Variants in MAP3K20 observed in about 807,000 individuals in gnomAD.
The protein encoded by MAP3K20 is HCCS-4.
A neutral mutation model predicts 85.7 loss-of-function variants in MAP3K20; 40 were observed. The ratio of observed to expected loss-of-function variants is 0.47; its 90% confidence interval spans 0.36 to 0.61. The LOEUF (loss-of-function observed/expected upper bound fraction) is 0.61. Ranked by LOEUF, MAP3K20 falls within the 20% of genes least tolerant of loss-of-function variation. MAP3K20 has a pLI of 0.00. For missense variants in MAP3K20, 817 were observed against 961.7 expected, an observed-to-expected ratio of 0.85 and a Z score of 1.99; for synonymous variants, 325 against 327.7, an observed-to-expected ratio of 0.99 and a Z score of 0.09.
chr2:173,193,102 G>A (rs1005275443), intron 7 of MAP3K20: 1 of 152,232 alleles, frequency 6.6e-6, no homozygotes, highest in African/African-American at 2.4e-5. Context: ...GTTTAGGAAC[G>A]TGGCTTGACC....
chr2:173,184,876 C>T (rs1690438273), intron 4 of MAP3K20, among the ~76,000 whole-genome samples: 1 of 148,576 alleles, frequency 6.7e-6, no homozygotes. Context: ...AGCCACTGCA[C>T]TCCAGCCAGA....
chr2:173,108,016 C>T (rs568963903), intron 2 of MAP3K20, among the ~76,000 whole-genome samples: 1 of 152,110 alleles, frequency 6.6e-6, no homozygotes, highest in Non-Finnish European at 1.5e-5. Context: ...GTTTCCCAAA[C>T]TTAAAAAATC....
intron 1 of MAP3K20, among the ~76,000 whole-genome samples, chr2:173,085,922 G>C (rs1687134198): frequency 6.9e-6 from 1 of 145,000 alleles, no homozygotes; most frequent in African/African-American, 2.6e-5. Flanking sequence ...CAACCTCCCA[G>C]GTAGCTGTGA....
intron 3 of MAP3K20, among the ~76,000 whole-genome samples, chr2:173,177,073 G>C (rs1690182250): frequency 6.6e-6 from 1 of 152,142 alleles, no homozygotes; most frequent in Non-Finnish European, 1.5e-5. Context: ...ATTAAAAGGA[G>C]AAATAGGCAA....
intron 2 of MAP3K20, among the ~76,000 whole-genome samples, chr2:173,156,986 A>C (rs908780373): frequency 1.3e-5 from 2 of 152,200 alleles, no homozygotes; most frequent in Non-Finnish European, 2.9e-5. Flanking sequence ...TACACTATAA[A>C]ATACAGTCAA....
chr2:173,221,548 A>G (rs577649022), intron 11 of MAP3K20: 1 of 1,493,808 alleles, frequency 6.7e-7, no homozygotes, highest in East Asian at 2.4e-5. Flanking sequence ...AAGCAAAGTA[A>G]TAAAATCACA....
At chr2:173,185,240 C>CA (rs1690453086) in intron 4 of MAP3K20, among the ~76,000 whole-genome samples, 1 of 151,432 alleles carries the variant, frequency 6.6e-6, no homozygotes, top group South Asian at 2.1e-4. Context: ...GACTCTGTCT[C>CA]AAAAAAATAA....
chr2:173,178,272 T>G (rs1275738792), intron 3 of MAP3K20, among the ~76,000 whole-genome samples: 1 of 152,222 alleles, frequency 6.6e-6, no homozygotes, highest in Non-Finnish European at 1.5e-5. Flanking sequence ...ATAAATTAGA[T>G]AATTTAGATG....
intron 2 of MAP3K20, among the ~76,000 whole-genome samples, chr2:173,108,186 G>A (rs1380863562): frequency 1.3e-5 from 2 of 150,736 alleles, no homozygotes; most frequent in Admixed American, 6.6e-5. Context: ...TGCCCAGGCT[G>A]CAGTGCAATG....
intron 2 of MAP3K20, among the ~76,000 whole-genome samples, chr2:173,150,539 TA>T (rs1689274098): frequency 6.6e-6 from 1 of 152,212 alleles, no homozygotes; most frequent in African/African-American, 2.4e-5. Context: ...ATGTTCTGTG[TA>T]TCCGAGTTCA....
intron 15 of MAP3K20, 95 bp from the exon 16 acceptor site, chr2:173,239,309 G>GAAAAA: frequency 7.5e-6 from 6 of 801,584 alleles, no homozygotes; most frequent in South Asian, 2.6e-5. Context: ...GATTAGAATA[G>GAAAAA]AAAAAAAAAA....
At chr2:173,174,462 GT>G (rs368342200) in intron 3 of MAP3K20, among the ~76,000 whole-genome samples, 1 of 152,152 alleles carries the variant, frequency 6.6e-6, no homozygotes, top group African/African-American at 2.4e-5. Flanking sequence ...GTGGTGTTTG[GT>G]TTTCTGTTCC....
intron 2 of MAP3K20, among the ~76,000 whole-genome samples, chr2:173,140,842 G>A (rs568781971): frequency 2.0e-5 from 3 of 146,840 alleles, no homozygotes; most frequent in East Asian, 3.9e-4. Context: ...ACACACACAC[G>A]AGTGCATATA....
intron 2 of MAP3K20, among the ~76,000 whole-genome samples, chr2:173,163,874 A>C (rs1689736379): frequency 6.6e-6 from 1 of 152,124 alleles, no homozygotes; most frequent in South Asian, 2.1e-4. Flanking sequence ...ACTGCCTTTC[A>C]TAATGGCTAA....
At chr2:173,126,732 C>G (rs1001344104) in intron 2 of MAP3K20, among the ~76,000 whole-genome samples, 1 of 151,466 alleles carries the variant, frequency 6.6e-6, no homozygotes, top group African/African-American at 2.4e-5. Flanking sequence ...TATTAGCAGT[C>G]TAGAGGGAAG....
chr2:173,236,945 G>T (rs559949353), intron 14 of MAP3K20, among the ~76,000 whole-genome samples: 1 of 149,518 alleles, frequency 6.7e-6, no homozygotes, highest in South Asian at 2.1e-4. Flanking sequence ...CACAATTGTT[G>T]TGTACTTTCT....
At chr2:173,118,896 TAC>T (rs1285507485) in intron 2 of MAP3K20, among the ~76,000 whole-genome samples, 3 of 152,166 alleles carry the variant, frequency 2.0e-5, no homozygotes, top group African/African-American at 7.2e-5. Context: ...TTTAGAAGTG[TAC>T]AGTTTGTCAA....
At chr2:173,259,932 A>C (rs1284272186) in intron 17 of MAP3K20, among the ~76,000 whole-genome samples, 9 of 152,258 alleles carry the variant, frequency 5.9e-5, no homozygotes, top group Admixed American at 5.9e-4. Flanking sequence ...CATGCCATAC[A>C]TACAAAATCA....
chr2:173,236,720 G>A (rs980812728), intron 14 of MAP3K20, among the ~76,000 whole-genome samples: 1 of 152,112 alleles, frequency 6.6e-6, no homozygotes, highest in African/African-American at 2.4e-5. Context: ...TTATATGAGA[G>A]GGAAAGATAA....
Sources: allele counts gnomAD v4.1 joint callset (sites outside exome capture counted in the v4.1 genomes callset), GRCh38; gene constraint gnomAD v4.1.1; transcripts MANE v1.5; gene names NCBI Gene and HGNC (gene_info 2026-07-23, HGNC 2026-07-21).